The following ITGA2 variants were observed in gnomAD, a reference collection of about 807,000 sequenced individuals.
ITGA2 encodes the protein integrin alpha-2.
A neutral mutation model predicts 146.3 loss-of-function variants in ITGA2; 101 were observed. The ratio of observed to expected loss-of-function variants is 0.69; its 90% CI spans 0.59 to 0.81. The LOEUF is 0.81. ITGA2 is among the 40% of genes least tolerant of loss of function. The pLI, the probability that ITGA2 is intolerant of heterozygous loss-of-function variation, is 0.00. For missense variants in ITGA2, 1,281 were observed against 1,402.7 expected (o/e 0.91, Z 1.39); for synonymous variants, 477 against 487.1 (o/e 0.98, Z 0.27).
chr5:53,003,571 G>A (rs1307122100), intron 1 of ITGA2, among the ~76,000 whole-genome samples: 2 of 152,114 alleles, frequency 1.3e-5, no homozygotes, highest in Admixed American at 6.5e-5. Flanking sequence ...GGTGGGTAGG[G>A]CACCAAAGGC....
Position 53,020,189 on chromosome 5 carries a change from C to T in ITGA2, c.65-6559C>T, listed in dbSNP as rs555753759. On this transcript the variant is annotated intron_variant, in intron 1 of 29. Coordinates refer to ENST00000296585, the MANE Select transcript of ITGA2 (RefSeq NM_002203.4). The stretch of plus-strand genomic sequence containing the variant: ...CAAAAAATAAATAGGAAAATAAAAT[C>T]TGTTTATTAACTGTGTGTATAAATT... Among the ~76,000 whole-genome samples the T allele has an allele frequency of 6.4e-4, 98 of 152,254 alleles. 1 individual carries two copies. The highest frequency in any genetic ancestry group is 1.2e-3 in the Admixed American group (18 of 15,294).
rs774248857 is a variant in ITGA2, at chr5:53,062,763, T to C, written c.1459-23T>C. On this transcript the variant is annotated intron_variant, in intron 12 of 29. Coordinates refer to ENST00000296585, the MANE Select transcript of ITGA2 (RefSeq NM_002203.4). ...GTATATGAATCCTAGGAATTCTAAG[T>C]TTAACATGTTTTATTACTCCAGATT... 6.2e-6 allele frequency: 10 copies of C among 1,608,260 alleles called. No individual in the cohort carries two copies. In the South Asian group the frequency reaches 8.8e-5, roughly 14 times the overall value.
intron 4 of ITGA2, among the ~76,000 whole-genome samples, chr5:53,046,427 C>A (rs1744091250): frequency 6.6e-6 from 1 of 151,964 alleles, no homozygotes; most frequent in Non-Finnish European, 1.5e-5. Flanking sequence ...TATGTGTTAA[C>A]ATCAGTGCAT....
At chr5:53,065,143 A>G in intron 14 of ITGA2, 28 bp downstream of exon 14, 1 of 1,600,662 alleles carries the variant, frequency 6.2e-7, no homozygotes, top group East Asian at 2.2e-5. Context: ...ATGGTGATGT[A>G]TGTATTTGTG....
chr5:52,993,649 T>C (rs1741083645), intron 1 of ITGA2, among the ~76,000 whole-genome samples: 1 of 152,160 alleles, frequency 6.6e-6, no homozygotes. Flanking sequence ...AGGTAGAAGC[T>C]TGTTAATGTA....
At chr5:53,026,720 A>G (rs1742965568) in intron 1 of ITGA2, 28 bp from the exon 2 acceptor site, 1 of 1,586,448 alleles carries the variant, frequency 6.3e-7, no homozygotes, top group Admixed American at 1.7e-5. Context: ...AATTGTAAAT[A>G]TGTGCTATTT....
Position 53,058,354 on chromosome 5 carries a change from C to T in ITGA2, c.1173+253C>T, listed in dbSNP as rs142850480. ...AGTATACCAGAAAGTCTTTGAGTAC[C>T]CCAGGGCACAGACTGTATATTAACT... On this transcript the variant is annotated intron_variant, in intron 10 of 29. Transcript: ENST00000296585. Among the ~76,000 whole-genome samples the T allele has an allele frequency of 1.7e-3, 255 of 151,866 alleles. 2 individuals carry two copies. Among genetic ancestry groups the T allele is most frequent in the African/African-American group, 5.7e-3 (237 of 41,478 alleles).
rs529048849 is a variant in ITGA2 at position 53,065,967 on chromosome 5, G to A, written c.1933G>A (p.Val645Ile). The change falls in exon 15 of 30, where the codon GTT (valine) becomes ATT (isoleucine). Residue 645 changes from valine to isoleucine, a missense_variant. Physicochemically the swap from Val to Ile is conservative, Grantham distance 29. This residue lies in a region of ITGA2 where 795 missense variants were observed against 841.7 expected (regional missense o/e 0.94). Coordinates refer to ENST00000296585, the MANE Select transcript of ITGA2 (RefSeq NM_002203.4). ...DVSIGAFGQV[V>I]QLWSQSIADV... is the part of the protein sequence containing the mutation. ...GTCTATTGGTGCCTTTGGACAAGTG[G>A]TTCAACTCTGGTGAGTCAGGAAGAG... 1.9e-6 allele frequency: 3 copies of A among 1,611,866 alleles called. No individual in the cohort carries two copies. In the Admixed American group the frequency reaches 5.0e-5, roughly 27 times the overall value.
chr5:53,073,286 T>A, intron 20 of ITGA2, 27 bp downstream of exon 20: 8 of 1,610,236 alleles, frequency 5.0e-6, no homozygotes, highest in Non-Finnish European at 6.8e-6. Flanking sequence ...TGTACTTACT[T>A]CCACCATGCT....
chr5:53,064,099 AT>A (rs1745030929), intron 13 of ITGA2, among the ~76,000 whole-genome samples: 1 of 151,902 alleles, frequency 6.6e-6, no homozygotes, highest in African/African-American at 2.4e-5. Flanking sequence ...GCACAGAATT[AT>A]TTAATGTTTT....
chr5:53,043,107 G>A (rs925718938), intron 3 of ITGA2, among the ~76,000 whole-genome samples: 16 of 152,082 alleles, frequency 1.1e-4, no homozygotes. Context: ...AGAAGTTGAA[G>A]GGGATGAGGA....
In ITGA2 at chr5:53,007,555, A is replaced by G. The variant is rs543672347; in HGVS notation, c.64+18023A>G. On this transcript the variant is annotated intron_variant, in intron 1 of 29. Coordinates refer to ENST00000296585, the MANE Select transcript of ITGA2 (RefSeq NM_002203.4). ...AAGTTTATCCTTTCACATAGAAGCA[A>G]TTTAGGAAGAAGTGGAGAAGTAGAA... 5.9e-5 allele frequency among the ~76,000 whole-genome samples: 9 copies of G among 152,214 alleles called. No homozygotes were observed. In the East Asian group the frequency reaches 1.7e-3, roughly 29 times the overall value.
At chr5:53,088,031 G>A (rs1159280689) in intron 28 of ITGA2, among the ~76,000 whole-genome samples, 1 of 152,150 alleles carries the variant, frequency 6.6e-6, no homozygotes, top group Non-Finnish European at 1.5e-5. Flanking sequence ...CTCTGCCTCT[G>A]GTTTAGGAGC....
At chr5:53,000,345 CATTG>C (rs1296402401) in intron 1 of ITGA2, among the ~76,000 whole-genome samples, 99 of 152,124 alleles carry the variant, frequency 6.5e-4, no homozygotes, top group African/African-American at 2.0e-3. Context: ...TGGAAAATTA[CATTG>C]ATTGATATTA....
chr5:53,036,176 A>T (rs538482366), intron 2 of ITGA2, among the ~76,000 whole-genome samples: 12 of 152,278 alleles, frequency 7.9e-5, no homozygotes, highest in Non-Finnish European at 1.6e-4. Context: ...CCAGCCCTGT[A>T]TGAGCACTCC....
intron 1 of ITGA2, among the ~76,000 whole-genome samples, chr5:53,024,325 G>A (rs72760416): frequency 0.012 from 1,875 of 152,208 alleles, 20 homozygotes; most frequent in Non-Finnish European, 0.02. Context: ...ATACTGGAAG[G>A]AAATACATCT....
chr5:53,032,223 G>GA (rs1342403209), intron 2 of ITGA2, among the ~76,000 whole-genome samples: 1 of 151,976 alleles, frequency 6.6e-6, no homozygotes, highest in East Asian at 1.9e-4. Context: ...TTTTAATTGA[G>GA]AAAAACTTTA....
chr5:53,011,842 C>T (rs1357547400), intron 1 of ITGA2, among the ~76,000 whole-genome samples: 1 of 151,946 alleles, frequency 6.6e-6, no homozygotes, highest in Non-Finnish European at 1.5e-5. Flanking sequence ...GCTAGAGAAG[C>T]AAGGTCCTCA....
chr5:53,012,333 A>G (rs2111748196), intron 1 of ITGA2, among the ~76,000 whole-genome samples: 1 of 152,336 alleles, frequency 6.6e-6, no homozygotes, highest in Middle Eastern at 3.4e-3. Context: ...AGATAGCAAC[A>G]TTATATCCAA....
Sources: gnomAD v4.1 joint callset for allele counts (sites outside exome capture counted in the v4.1 genomes callset) on GRCh38, gnomAD v4.1.1 for gene constraint, gnomAD v4.1.1 regional missense constraint, MANE v1.5 for transcripts, NCBI Gene and HGNC (gene_info 2026-07-23, HGNC 2026-07-21) for gene names.